The following SHOC2 variants were observed in gnomAD, a reference collection of about 807,000 sequenced individuals.
SHOC2 encodes the protein SHOC2 leucine rich repeat scaffold protein, also known as leucine-rich repeat protein SHOC-2.
A neutral mutation model predicts 50.2 loss-of-function variants in SHOC2; 4 were observed. That is an observed-to-expected ratio of 0.08 (90% CI 0.04 to 0.18). The LOEUF is 0.18. Among genes scored for constraint, SHOC2 ranks in the 10% least tolerant of loss-of-function variants. The probability of loss-of-function intolerance (pLI) is 1.00; values close to 1 mark genes in which losing one functional copy is unlikely to be tolerated. For synonymous variants in SHOC2, 218 were observed against 244.5 expected, an observed-to-expected ratio of 0.89 and a Z score of 1.01; for missense variants, 388 against 669.6, an observed-to-expected ratio of 0.58 and a Z score of 4.64.
chr10:110,969,157 TAAAG>T (rs1254135997), intron 2 of SHOC2, among the ~76,000 whole-genome samples: 1 of 152,192 alleles, frequency 6.6e-6, no homozygotes, highest in Non-Finnish European at 1.5e-5. Flanking sequence ...CATAGACAAA[TAAAG>T]TAAGTGTCCC....
intron 3 of SHOC2, among the ~76,000 whole-genome samples, chr10:110,998,654 C>T (rs546054243): frequency 6.6e-6 from 1 of 152,214 alleles, no homozygotes; most frequent in South Asian, 2.1e-4. Flanking sequence ...TATAGCATAC[C>T]TATGGAATAG....
At chr10:110,985,807 AACTG>A in intron 3 of SHOC2, 42 bp downstream of exon 3, 5 of 1,543,060 alleles carry the variant, frequency 3.2e-6, no homozygotes, top group Non-Finnish European at 4.5e-6. Context: ...GTTAATAGCT[AACTG>A]GATATTAATA....
At position 111,000,222 on chromosome 10, in the gene SHOC2, CAAGT is replaced by C. The variant is rs1218882705; in HGVS notation, c.842-192_842-189del. Among the ~76,000 whole-genome samples, 3 of 152,062 alleles carry C rather than the reference CAAGT, an allele frequency of 2.0e-5. No individual in the cohort carries two copies. The East Asian group carries it at 5.8e-4, about 29-fold the overall frequency. The stretch of plus-strand genomic sequence containing the variant: ...TGTGTATTTCATTATTTCTCCGAGA[CAAGT>C]GAGCATAAAAGTGATTTCAATTTCA... On this transcript the variant is annotated intron_variant, in intron 3 of 8. Coordinates refer to ENST00000369452, the MANE Select transcript of SHOC2 (RefSeq NM_007373.4).
intron 1 of SHOC2, among the ~76,000 whole-genome samples, chr10:110,946,626 C>T (rs1318424089): frequency 6.6e-6 from 1 of 152,034 alleles, no homozygotes; most frequent in African/African-American, 2.4e-5. Flanking sequence ...AGAGAAAGGG[C>T]TGTATCTATG....
intron 6 of SHOC2, among the ~76,000 whole-genome samples, chr10:111,008,254 T>G (rs1305765254): frequency 6.6e-6 from 1 of 150,880 alleles, no homozygotes; most frequent in Non-Finnish European, 1.5e-5. Context: ...CTCCTGCTTC[T>G]GAGTTCCTAG....
chr10:110,985,513 TTA>T (rs1376684172), intron 2 of SHOC2, 113 bp from the exon 3 acceptor site: 4 of 765,986 alleles, frequency 5.2e-6, no homozygotes, highest in African/African-American at 1.8e-5. Flanking sequence ...TCTAATAAGG[TTA>T]TGTTTCCCGT....
At chr10:110,934,068 C>A (rs187047175) in intron 1 of SHOC2, among the ~76,000 whole-genome samples, 4 of 152,118 alleles carry the variant, frequency 2.6e-5, no homozygotes, top group African/African-American at 4.8e-5. Context: ...CATTTGCATA[C>A]GTCAGATTGA....
chr10:110,939,856 A>G (rs1353190367), intron 1 of SHOC2, among the ~76,000 whole-genome samples: 1 of 152,232 alleles, frequency 6.6e-6, no homozygotes, highest in Non-Finnish European at 1.5e-5. Flanking sequence ...CAATTGAGCT[A>G]CATCATCACT....
chr10:110,964,722 T>C lies in SHOC2; in HGVS notation c.364T>C (p.Leu122=), dbSNP rs745407593. The C allele has an allele frequency of 6.2e-7, 1 of 1,614,042 alleles. No individual in the cohort carries two copies. Among genetic ancestry groups the C allele is most frequent in the Non-Finnish European group, 8.5e-7 (1 of 1,179,962 alleles). ...CATATTGCCATCATCAATCAAAGAG[T>C]TGACTCAATTAACAGAACTTTATTT... ...IHILPSSIKE[L]TQLTELYLYS... is the part of the protein sequence containing the mutation. The change falls in exon 2 of 9, where the codon TTG becomes CTG. Residue 122 remains leucine, a synonymous_variant. Coordinates refer to ENST00000369452, the MANE Select transcript of SHOC2 (RefSeq NM_007373.4). The surrounding 1 kb of genome is among the most constrained non-coding windows in gnomAD (Gnocchi z 4.9).
chr10:110,991,855 A>G (rs1848191783), intron 3 of SHOC2, among the ~76,000 whole-genome samples: 1 of 152,146 alleles, frequency 6.6e-6, no homozygotes, highest in Non-Finnish European at 1.5e-5. Flanking sequence ...TCCTTTTTTA[A>G]ATCCTACTCT....
At chr10:110,955,469 A>G (rs1847441737) in intron 1 of SHOC2, among the ~76,000 whole-genome samples, 1 of 152,208 alleles carries the variant, frequency 6.6e-6, no homozygotes, top group African/African-American at 2.4e-5. Context: ...CAAATGAGGT[A>G]GGTTTTTAGT....
chr10:110,955,273 AT>A (rs1479149067), intron 1 of SHOC2, among the ~76,000 whole-genome samples: 10 of 152,178 alleles, frequency 6.6e-5, no homozygotes, highest in Admixed American at 5.9e-4. Context: ...AGAGTAGACG[AT>A]TTGTGATTCA....
chr10:110,972,267 T>C lies in SHOC2; in HGVS notation c.703+7206T>C, dbSNP rs1033547635. Among the ~76,000 whole-genome samples, 5 of 152,166 alleles carry C rather than the reference T, an allele frequency of 3.3e-5. No homozygotes were observed. In the East Asian group the frequency reaches 9.6e-4, roughly 29 times the overall value. ...TTTCAGTATTAACTAAAATTGTAAC[T>C]TGTGATCACTAAAATTCTTGAAATT... is the stretch of plus-strand genomic sequence containing the variant. On this transcript the variant is annotated intron_variant, in intron 2 of 8. Coordinates refer to ENST00000369452, the MANE Select transcript of SHOC2 (RefSeq NM_007373.4).
chr10:110,930,862 A>G (rs964227939), intron 1 of SHOC2, among the ~76,000 whole-genome samples: 2 of 149,228 alleles, frequency 1.3e-5, no homozygotes, highest in Non-Finnish European at 1.5e-5. Context: ...CCTCTTCCCT[A>G]TCCTGCCTTT....
chr10:110,944,427 C>T (rs1847210046), intron 1 of SHOC2, among the ~76,000 whole-genome samples: 1 of 148,840 alleles, frequency 6.7e-6, no homozygotes, highest in Admixed American at 6.7e-5. Context: ...TTAATAAGTC[C>T]AATATCTGGA....
At chr10:110,951,595 A>G (rs1847353199) in intron 1 of SHOC2, 1 of 152,328 alleles carries the variant, frequency 6.6e-6, no homozygotes, top group Non-Finnish European at 1.5e-5. Flanking sequence ...CTACGTTCCC[A>G]TGTTCATTGC....
chr10:110,919,905 G>T (rs1477250032), intron 1 of SHOC2: 2 of 316,948 alleles, frequency 6.3e-6, no homozygotes, highest in Non-Finnish European at 1.1e-5. Flanking sequence ...GGAGCCTGCA[G>T]CCCGGCGCGG....
intron 1 of SHOC2, among the ~76,000 whole-genome samples, chr10:110,945,168 A>G (rs1847223255): frequency 6.6e-6 from 1 of 152,204 alleles, no homozygotes; most frequent in African/African-American, 2.4e-5. Flanking sequence ...ACTTTCCTGT[A>G]ATTTTTTTCA....
intron 1 of SHOC2, among the ~76,000 whole-genome samples, chr10:110,930,815 A>C (rs986506965): frequency 8.1e-6 from 1 of 123,552 alleles, no homozygotes; most frequent in Non-Finnish European, 1.7e-5. Context: ...TTTGACGTTT[A>C]CCATTATATC....
Sources: gnomAD v4.1 joint callset for allele counts (sites outside exome capture counted in the v4.1 genomes callset) on GRCh38, gnomAD v4.1.1 for gene constraint, Gnocchi (gnomAD v3.1) non-coding constraint, MANE v1.5 for transcripts, NCBI Gene and HGNC (gene_info 2026-07-23, HGNC 2026-07-21) for gene names.